Variants in PLCL1 observed in about 807,000 individuals in gnomAD.
PLCL1 encodes phospholipase C like 1 (inactive).
In PLCL1, 41 loss-of-function variants were observed where a neutral mutation model predicts 84.4. The ratio of observed to expected loss-of-function variants is 0.49; its 90% confidence interval spans 0.38 to 0.63. The LOEUF is 0.63. Among genes scored for constraint, PLCL1 ranks in the 30% least tolerant of loss-of-function variants. The pLI, the probability that PLCL1 is intolerant of heterozygous loss-of-function variation, is 0.00. For missense variants in PLCL1, 1,206 were observed against 1,367.8 expected (o/e 0.88, Z 1.87); for synonymous variants, 490 against 488.3 (o/e 1.00, Z -0.05).
Position 197,941,795 on chromosome 2 carries a change from G to T in PLCL1, c.240+136456G>T, listed in dbSNP as rs75993438. Among the ~76,000 whole-genome samples the T allele has an allele frequency of 7.1e-3, 1,076 of 152,040 alleles. 13 individuals are homozygous for T. Among genetic ancestry groups the T allele is most frequent in the African/African-American group, 0.024 (1,013 of 41,480 alleles). ...CCATTGTTGGAGCATTAACATCTTA[G>T]CCCCACTGGTGCCTTTAATACTGTT... is the stretch of plus-strand genomic sequence containing the variant. On this transcript the variant is annotated intron_variant, in intron 1 of 5. Coordinates refer to ENST00000428675, the MANE Select transcript of PLCL1 (RefSeq NM_006226.4).
chr2:198,085,076 C>A lies in PLCL1; in HGVS notation c.1559C>A (p.Pro520His), dbSNP rs1574300113. ...GGCAATAAACTCTATACTGAAGCAC[C>A]TTTGCCCTCAGAATCCTACCTCCCA... The part of the protein sequence containing the change: ...VFGNKLYTEA[P>H]LPSESYLPSP... The change falls in exon 2 of 6, where the codon CCT (proline) becomes CAT (histidine). Residue 520 changes from proline (P) to histidine (H), a missense_variant. Transcript: ENST00000428675. The surrounding 1 kb of genome is among the most constrained non-coding windows in gnomAD (Gnocchi z 5.3). 2 of 1,614,016 alleles carry A rather than the reference C, an allele frequency of 1.2e-6. No homozygotes were observed. Among genetic ancestry groups the A allele is most frequent in the East Asian group, 2.2e-5 (1 of 44,878 alleles).
chr2:197,843,415 A>G (rs180850679), intron 1 of PLCL1, among the ~76,000 whole-genome samples: 107 of 152,310 alleles, frequency 7.0e-4, no homozygotes, highest in African/African-American at 2.2e-3. Flanking sequence ...ATAGATTACC[A>G]TATCACTTTA....
rs1476043395 is a variant in PLCL1, at chr2:197,805,358, C to T, written c.240+19C>T. 2 of 1,339,240 alleles carry T rather than the reference C, an allele frequency of 1.5e-6. No homozygotes were observed. The highest frequency in any genetic ancestry group is 1.9e-6 in the Non-Finnish European group (2 of 1,050,938). 83.0% of individuals were successfully genotyped at this position (1,339,240 alleles called of 1,614,324 possible). On this transcript the variant is annotated intron_variant, in intron 1 of 5. Coordinates refer to ENST00000428675, the MANE Select transcript of PLCL1 (RefSeq NM_006226.4). This position sits in a 1 kb window ranked among gnomAD's most constrained non-coding sequence, Gnocchi z 4.0. The stretch of plus-strand genomic sequence containing the variant: ...CATCAAGGTAAGCAAAGCCGCGCCG[C>T]ACCGGGAGCGTGGCTGTGGGTGATG...
At chr2:197,889,358 T>C (rs1687973289) in intron 1 of PLCL1, among the ~76,000 whole-genome samples, 1 of 152,308 alleles carries the variant, frequency 6.6e-6, no homozygotes, top group South Asian at 2.1e-4. Context: ...TGAACAGCCA[T>C]GGTTTTCTAG....
At position 198,023,792 on chromosome 2, in the gene PLCL1, G is replaced by C. The variant is rs181916943; in HGVS notation, c.241-59966G>C. Among the ~76,000 whole-genome samples, 363 of 152,314 alleles carry C rather than the reference G, an allele frequency of 2.4e-3. 1 individual carries two copies. The highest frequency in any genetic ancestry group is 8.3e-3 in the African/African-American group (345 of 41,578). ...GGAGAAATAGGAACACTTTTACCCTGTTGGTGGGAGTGTAAATTAGTTCAA... is the reference window on the plus strand; with the variant it reads ...GGAGAAATAGGAACACTTTTACCCTCTTGGTGGGAGTGTAAATTAGTTCAA... On this transcript the variant is annotated intron_variant, in intron 1 of 5. Transcript: ENST00000428675.
intron 5 of PLCL1, among the ~76,000 whole-genome samples, chr2:198,141,477 CAAA>C (rs60334474): frequency 1.3e-4 from 10 of 79,146 alleles, no homozygotes; most frequent in African/African-American, 1.2e-4. Context: ...AGTGTAACAT[CAAA>C]AAAAAAAAAA....
chr2:197,825,823 G>A (rs1690916899), intron 1 of PLCL1, among the ~76,000 whole-genome samples: 1 of 152,200 alleles, frequency 6.6e-6, no homozygotes, highest in South Asian at 2.1e-4. Flanking sequence ...TTGGTAAAAT[G>A]GGAATTTTAA....
At chr2:198,143,176 G>A (rs947848027) in intron 5 of PLCL1, among the ~76,000 whole-genome samples, 1 of 151,982 alleles carries the variant, frequency 6.6e-6, no homozygotes, top group African/African-American at 2.4e-5. Flanking sequence ...GGTGGGTGTC[G>A]GGGGGTGGTT....
intron 5 of PLCL1, among the ~76,000 whole-genome samples, chr2:198,113,708 A>G (rs893397893): frequency 1.3e-5 from 2 of 151,846 alleles, no homozygotes; most frequent in Non-Finnish European, 2.9e-5. Context: ...AAAAGAAAAC[A>G]CATCAAAATA....
At chr2:197,830,594 C>A (rs1207471873) in intron 1 of PLCL1, among the ~76,000 whole-genome samples, 1 of 152,054 alleles carries the variant, frequency 6.6e-6, no homozygotes, top group Non-Finnish European at 1.5e-5. Flanking sequence ...TTGGAAAACA[C>A]TTTTCAGGAT....
chr2:197,879,452 C>T (rs1331278852), intron 1 of PLCL1, among the ~76,000 whole-genome samples: 1 of 152,102 alleles, frequency 6.6e-6, no homozygotes, highest in Non-Finnish European at 1.5e-5. Flanking sequence ...CTGTAACTAA[C>T]TTGTGCTTGC....
At chr2:197,831,799 G>A (rs1316812004) in intron 1 of PLCL1, among the ~76,000 whole-genome samples, 1 of 152,066 alleles carries the variant, frequency 6.6e-6, no homozygotes, top group Admixed American at 6.6e-5. Context: ...GCTAAAGAAC[G>A]GAAATAATAA....
intron 1 of PLCL1, among the ~76,000 whole-genome samples, chr2:198,010,260 G>A (rs2105829088): frequency 6.6e-6 from 1 of 152,026 alleles, no homozygotes; most frequent in African/African-American, 2.4e-5. Context: ...TAGAGTAAAA[G>A]CTTTTAGTCT....
chr2:198,010,212 C>G (rs1048896196), intron 1 of PLCL1, among the ~76,000 whole-genome samples: 1 of 151,880 alleles, frequency 6.6e-6, no homozygotes, highest in Non-Finnish European at 1.5e-5. Flanking sequence ...ATCGAATAGT[C>G]GTGGCAAGAG....
At chr2:197,875,860 G>A (rs920657450) in intron 1 of PLCL1, among the ~76,000 whole-genome samples, 1 of 152,148 alleles carries the variant, frequency 6.6e-6, no homozygotes, top group Admixed American at 6.5e-5. Flanking sequence ...TGTGAGACAG[G>A]CTGGTATTGC....
chr2:197,933,723 G>A (rs1688994529), intron 1 of PLCL1, among the ~76,000 whole-genome samples: 1 of 152,024 alleles, frequency 6.6e-6, no homozygotes, highest in African/African-American at 2.4e-5. Context: ...TCTTAAGGGT[G>A]GGAAGAAGGT....
At chr2:197,924,150 G>T (rs1239336860) in intron 1 of PLCL1, among the ~76,000 whole-genome samples, 1 of 132,460 alleles carries the variant, frequency 7.5e-6, no homozygotes, top group African/African-American at 2.8e-5. Context: ...AGAGGGAGAG[G>T]GAGAGGGAGA....
At chr2:198,082,223 A>G (rs1051994226) in intron 1 of PLCL1, among the ~76,000 whole-genome samples, 52 of 152,292 alleles carry the variant, frequency 3.4e-4, no homozygotes, top group African/African-American at 1.1e-3. Flanking sequence ...ATTAATTCCT[A>G]TCAGAAATTA....
chr2:197,994,840 T>G (rs1230129648), intron 1 of PLCL1, among the ~76,000 whole-genome samples: 1 of 152,218 alleles, frequency 6.6e-6, no homozygotes, highest in Non-Finnish European at 1.5e-5. Context: ...TCTAGCCATT[T>G]TCTTTCTTAT....
Sources: gnomAD v4.1 joint callset for allele counts (sites outside exome capture counted in the v4.1 genomes callset) on GRCh38, gnomAD v4.1.1 for gene constraint, Gnocchi (gnomAD v3.1) non-coding constraint, MANE v1.5 for transcripts, NCBI Gene and HGNC (gene_info 2026-07-23, HGNC 2026-07-21) for gene names.